SASH1: variants seen among roughly 807,000 people sequenced by gnomAD.
SASH1 encodes SAM and SH3 domain containing 1.
SASH1 carries 44 observed loss-of-function variants against 125.2 expected under a neutral mutation model. That is an observed-to-expected ratio of 0.35 (90% CI 0.28 to 0.45). The LOEUF (loss-of-function observed/expected upper bound fraction) is 0.45. SASH1 is among the 20% of genes least tolerant of loss of function. The pLI, the probability that SASH1 is intolerant of heterozygous loss-of-function variation, is 1.00. For synonymous variants in SASH1, 639 were observed against 649.1 expected, an observed-to-expected ratio of 0.98 and a Z score of 0.24; for missense variants, 1,426 against 1,614.5, an observed-to-expected ratio of 0.88 and a Z score of 2.00.
Position 148,519,577 on chromosome 6 carries a change from C to T in SASH1, c.893C>T (p.Pro298Leu), listed in dbSNP as rs35078400. 2.6e-5 allele frequency: 42 copies of T among 1,613,844 alleles called. No individual in the cohort carries two copies. Among genetic ancestry groups the T allele is most frequent in the Admixed American group, 6.7e-5 (4 of 59,992 alleles). The change falls in exon 10 of 20, where the codon CCG (proline) becomes CTG (leucine). Residue 298 changes from proline (P) to leucine (L), a missense_variant. By Grantham distance (98) the Pro-to-Leu change is moderately conservative. Around this residue, in one of 3 missense-constraint regions of SASH1, gnomAD observed 567 missense variants for 575.6 expected, o/e 0.99. Coordinates refer to ENST00000367467, the MANE Select transcript of SASH1 (RefSeq NM_015278.5). The surrounding 1 kb of genome is among the most constrained non-coding windows in gnomAD (Gnocchi z 4.8). ...GAGGAGCACGTGTTTGAGAATTCGC[C>T]GGTCCTGGATGAACGGTCCGCCCTC... ...GGEEHVFENS[P>L]VLDERSALYS...
the SASH1 span, among the ~76,000 whole-genome samples, chr6:148,260,192 A>AAAAG: frequency 6.6e-6 from 1 of 152,240 alleles, no homozygotes; most frequent in African/African-American, 2.4e-5. Flanking sequence ...TGAAAATACT[A>AAAAG]AAAGAACAGA....
intron 2 of SASH1, among the ~76,000 whole-genome samples, chr6:148,391,272 G>A (rs555011412): frequency 1.6e-3 from 243 of 152,180 alleles, no homozygotes; most frequent in African/African-American, 5.5e-3. Flanking sequence ...ACCACACCCA[G>A]CTAATTTTGT....
At chr6:148,193,773 C>A in the SASH1 span, among the ~76,000 whole-genome samples, 1 of 152,168 alleles carries the variant, frequency 6.6e-6, no homozygotes, top group Non-Finnish European at 1.5e-5. Context: ...TTCTACATAT[C>A]AAATTTTGTT....
At chr6:148,314,232 A>G (rs1780416310) in intron 1 of SASH1, among the ~76,000 whole-genome samples, 1 of 152,176 alleles carries the variant, frequency 6.6e-6, no homozygotes, top group Admixed American at 6.5e-5. Context: ...ATGCAGCCCC[A>G]CTTCCTGTGG....
chr6:148,349,986 C>G (rs547837831), intron 1 of SASH1, among the ~76,000 whole-genome samples: 8 of 152,052 alleles, frequency 5.3e-5, no homozygotes, highest in Admixed American at 4.6e-4. Flanking sequence ...GCTGGGACTA[C>G]AGGCGCCTGC....
chr6:148,242,830 C>A, the SASH1 span, among the ~76,000 whole-genome samples: 4 of 152,020 alleles, frequency 2.6e-5, no homozygotes, highest in South Asian at 8.3e-4. Context: ...CTAGCCCAAG[C>A]CAAAAAAGGG....
intron 1 of SASH1, among the ~76,000 whole-genome samples, chr6:148,298,928 C>T (rs1430549951): frequency 6.6e-6 from 1 of 152,128 alleles, no homozygotes; most frequent in Admixed American, 6.5e-5. Context: ...AAAAGAAAGA[C>T]TCACTTTAAA....
At chr6:148,213,505 G>GGT in the SASH1 span, among the ~76,000 whole-genome samples, 6,809 of 148,352 alleles carry the variant, frequency 0.046, 320 homozygotes, top group African/African-American at 0.13. Flanking sequence ...CTAGCCAAAG[G>GGT]GTGTGTGTGT....
chr6:148,344,755 CTTTT>C (rs762490919), intron 1 of SASH1, among the ~76,000 whole-genome samples: 3 of 143,524 alleles, frequency 2.1e-5, no homozygotes, highest in Non-Finnish European at 3.0e-5. Flanking sequence ...TTTTTCTTTT[CTTTT>C]TTTTTTTTTT....
chr6:148,274,001 A>G (rs1236398540), intron 1 of SASH1, among the ~76,000 whole-genome samples: 1 of 152,246 alleles, frequency 6.6e-6, no homozygotes, highest in Non-Finnish European at 1.5e-5. Context: ...TCTCCTTGCC[A>G]TCTTGGTAGG....
rs1781058303 is a variant in SASH1 at position 148,525,103 on chromosome 6, A to G, written c.1210-188A>G. ...GAGTTCCAGTGGCCTGTGAAAGGGAAAAATGAGTGAAGTTTCCTTACGACA... is the reference window on the plus strand; with the variant it reads ...GAGTTCCAGTGGCCTGTGAAAGGGAGAAATGAGTGAAGTTTCCTTACGACA... On this transcript the variant is annotated intron_variant, in intron 10 of 19. Coordinates refer to ENST00000367467, the MANE Select transcript of SASH1 (RefSeq NM_015278.5). 6.9e-6 allele frequency: 4 copies of G among 576,356 alleles called. No homozygotes were observed. In the South Asian group the frequency reaches 8.2e-5, roughly 12 times the overall value. The allele number at this position is 576,356 out of a possible 1,614,324, so 35.7% of individuals were successfully genotyped here. A position where few individuals can be genotyped will look rare whatever the true frequency, so the allele number is the denominator to read the frequency against.
intron 4 of SASH1, chr6:148,440,638 T>C (rs1349702434): frequency 2.7e-5 from 15 of 547,026 alleles, no homozygotes; most frequent in Non-Finnish European, 4.8e-5. Context: ...TTTACACTTA[T>C]TGTGAATAAA....
chr6:148,538,718 C>A (rs776062751), intron 16 of SASH1, among the ~76,000 whole-genome samples: 1 of 152,108 alleles, frequency 6.6e-6, no homozygotes, highest in East Asian at 1.9e-4. Context: ...TCTGCCTCCC[C>A]GCATTTTTAT....
the SASH1 span, among the ~76,000 whole-genome samples, chr6:148,199,878 G>A: frequency 6.6e-6 from 1 of 152,104 alleles, no homozygotes; most frequent in African/African-American, 2.4e-5. Flanking sequence ...AAGGCAACCT[G>A]GAGAAAGGCA....
At chr6:148,272,542 G>A (rs560820441) in intron 1 of SASH1, among the ~76,000 whole-genome samples, 68 of 152,244 alleles carry the variant, frequency 4.5e-4, no homozygotes, top group Middle Eastern at 6.8e-3. Context: ...TTCCGAGGGC[G>A]CTAGGCAGTG....
At chr6:148,293,987 T>C (rs1465154877) in intron 1 of SASH1, among the ~76,000 whole-genome samples, 7 of 152,326 alleles carry the variant, frequency 4.6e-5, no homozygotes, top group African/African-American at 1.7e-4. Context: ...CTGAATTGTT[T>C]CATGAAAAAG....
intron 15 of SASH1, 59 bp from the exon 16 acceptor site, chr6:148,534,692 G>A (rs564075123): frequency 4.3e-5 from 67 of 1,554,322 alleles, no homozygotes; most frequent in African/African-American, 2.3e-4. Flanking sequence ...AGTTGTTGGC[G>A]GTGTTATCAT....
At chr6:148,440,953 C>T (rs1442114866) in intron 4 of SASH1, among the ~76,000 whole-genome samples, 1 of 152,150 alleles carries the variant, frequency 6.6e-6, no homozygotes, top group Non-Finnish European at 1.5e-5. Context: ...GTAATTTCTG[C>T]TCTCATGGAA....
intron 2 of SASH1, among the ~76,000 whole-genome samples, chr6:148,439,120 G>C (rs993219832): frequency 6.6e-6 from 1 of 152,082 alleles, no homozygotes; most frequent in South Asian, 2.1e-4. Flanking sequence ...TTTATCACAG[G>C]TAATTTGTTT....
Sources: allele counts gnomAD v4.1 joint callset (sites outside exome capture counted in the v4.1 genomes callset), GRCh38; gene constraint gnomAD v4.1.1; regional missense constraint gnomAD v4.1.1; non-coding constraint Gnocchi (gnomAD v3.1); transcripts MANE v1.5; gene names NCBI Gene and HGNC (gene_info 2026-07-23, HGNC 2026-07-21).